HDAC9: variants seen among roughly 807,000 people sequenced by gnomAD.
The protein encoded by HDAC9 is histone deacetylase 9, also known as MEF-2 interacting transcription repressor (MITR) protein.
Under a neutral mutation model 139.4 loss-of-function variants are expected in HDAC9, and 41 were observed. That is an observed-to-expected ratio of 0.29 (90% CI 0.23 to 0.38). The LOEUF (loss-of-function observed/expected upper bound fraction) is 0.38, where lower values mean the gene tolerates loss of function less well. HDAC9 is among the 10% of genes least tolerant of loss of function. HDAC9 has a pLI of 1.00. For synonymous variants in HDAC9, 517 were observed against 476.2 expected (o/e 1.09, Z -1.12); for missense variants, 1,147 against 1,297.0 (o/e 0.88, Z 1.78).
intron 1 of HDAC9, among the ~76,000 whole-genome samples, chr7:18,146,048 G>T (rs927037815): frequency 7.9e-5 from 12 of 152,004 alleles, no homozygotes; most frequent in African/African-American, 2.9e-4. Flanking sequence ...GATTGGTTGG[G>T]AAAAAAAGGA....
chr7:18,410,363 G>T (rs1028953648), intron 1 of HDAC9, among the ~76,000 whole-genome samples: 3 of 152,136 alleles, frequency 2.0e-5, no homozygotes, highest in Non-Finnish European at 4.4e-5. Flanking sequence ...AAGAAGTAAT[G>T]CTGGATGAAC....
intron 24 of HDAC9, among the ~76,000 whole-genome samples, chr7:18,961,683 G>A (rs1018017369): frequency 1.1e-4 from 17 of 152,048 alleles, no homozygotes; most frequent in African/African-American, 3.9e-4. Flanking sequence ...CAGTGTGTGA[G>A]GTACTATTAA....
intron 1 of HDAC9, among the ~76,000 whole-genome samples, chr7:18,452,596 C>G (rs1040872765): frequency 3.9e-5 from 6 of 152,156 alleles, no homozygotes; most frequent in African/African-American, 1.4e-4. Flanking sequence ...CAAATCTTAC[C>G]TATAATTGTA....
chr7:18,667,983 TA>T, intron 12 of HDAC9: 1 of 970,372 alleles, frequency 1.0e-6, no homozygotes, highest in Middle Eastern at 5.3e-4. Flanking sequence ...TTTATATTTC[TA>T]AATCCGAGGT....
intron 17 of HDAC9, among the ~76,000 whole-genome samples, chr7:18,817,799 C>T (rs2129196366): frequency 6.6e-6 from 1 of 152,234 alleles, no homozygotes; most frequent in African/African-American, 2.4e-5. Flanking sequence ...CAGGTTCTGG[C>T]TGCTTTCAAC....
At chr7:18,273,517 A>T (rs1405729003) in intron 2 of HDAC9, among the ~76,000 whole-genome samples, 2 of 152,232 alleles carry the variant, frequency 1.3e-5, no homozygotes, top group Admixed American at 6.5e-5. Flanking sequence ...CACTTAGTAA[A>T]TGGTGCTGGG....
At chr7:18,499,080 ATGTGTG>A (rs55670527) in intron 2 of HDAC9, among the ~76,000 whole-genome samples, 2 of 150,134 alleles carry the variant, frequency 1.3e-5, no homozygotes, top group East Asian at 2.0e-4. Context: ...TAGGGTGTGT[ATGTGTG>A]TGTGTGTGTG....
At chr7:18,482,482 G>T (rs1035822979) in intron 1 of HDAC9, among the ~76,000 whole-genome samples, 41 of 138,406 alleles carry the variant, frequency 3.0e-4, no homozygotes, top group Admixed American at 2.3e-4. Context: ...TGTGGATATT[G>T]TTTGTATTTT....
intron 1 of HDAC9, among the ~76,000 whole-genome samples, chr7:18,351,321 G>A (rs190357988): frequency 6.6e-6 from 1 of 152,054 alleles, no homozygotes; most frequent in East Asian, 1.9e-4. Flanking sequence ...TAATGACTTG[G>A]TAAAATTTGC....
chr7:18,313,175 T>C (rs1010833158), intron 1 of HDAC9, among the ~76,000 whole-genome samples: 3 of 152,142 alleles, frequency 2.0e-5, no homozygotes, highest in African/African-American at 7.2e-5. Flanking sequence ...AAGAATATTT[T>C]AGCTGATTTC....
At chr7:18,166,009 G>A (rs1328487581) in intron 2 of HDAC9, among the ~76,000 whole-genome samples, 2 of 152,028 alleles carry the variant, frequency 1.3e-5, no homozygotes, top group African/African-American at 2.4e-5. Flanking sequence ...TTTTTAGTCC[G>A]ATCTCAAGAT....
intron 1 of HDAC9, among the ~76,000 whole-genome samples, chr7:18,431,747 C>T (rs971481833): frequency 6.6e-6 from 1 of 152,130 alleles, no homozygotes; most frequent in African/African-American, 2.4e-5. Flanking sequence ...TCAATAAATA[C>T]GTAAAATACG....
At chr7:18,499,602 G>A (rs549255655) in intron 2 of HDAC9, among the ~76,000 whole-genome samples, 20 of 152,218 alleles carry the variant, frequency 1.3e-4, no homozygotes, top group African/African-American at 4.3e-4. Context: ...GGCAGGATTA[G>A]GGGTGTTCTC....
intron 25 of HDAC9, among the ~76,000 whole-genome samples, chr7:18,976,965 T>C (rs1357927901): frequency 6.6e-6 from 1 of 152,242 alleles, no homozygotes; most frequent in Non-Finnish European, 1.5e-5. Flanking sequence ...CGAACAGTTC[T>C]ACTTTCTTGC....
intron 8 of HDAC9, among the ~76,000 whole-genome samples, chr7:18,642,076 T>C (rs1312387299): frequency 6.6e-6 from 1 of 152,108 alleles, no homozygotes; most frequent in African/African-American, 2.4e-5. Context: ...TCCAAGGAGA[T>C]AAGCTAAGCA....
intron 13 of HDAC9, among the ~76,000 whole-genome samples, chr7:18,740,058 G>A (rs1462137005): frequency 6.6e-6 from 1 of 152,208 alleles, no homozygotes; most frequent in Non-Finnish European, 1.5e-5. Flanking sequence ...GGCTCTATGA[G>A]CGTGGGACCT....
intron 15 of HDAC9, among the ~76,000 whole-genome samples, chr7:18,764,077 A>AT (rs998299032): frequency 2.6e-4 from 39 of 152,190 alleles, no homozygotes; most frequent in African/African-American, 9.4e-4. Flanking sequence ...GAACAAACCT[A>AT]TTTTTTGTAA....
intron 2 of HDAC9, among the ~76,000 whole-genome samples, chr7:18,179,168 G>A (rs544201990): frequency 6.6e-6 from 1 of 152,344 alleles, no homozygotes; most frequent in East Asian, 1.9e-4. Flanking sequence ...CTTTCATTCA[G>A]AGTTCTCTGA....
In HDAC9 at chr7:18,357,337, G is replaced by A. The variant is rs12536985; in HGVS notation, c.-42+66822G>A. Among the ~76,000 whole-genome samples, 1,338 of 152,234 alleles carry A rather than the reference G, an allele frequency of 8.8e-3. 8 individuals carry two copies. Among genetic ancestry groups the A allele is most frequent in the Non-Finnish European group, 0.014 (981 of 68,006 alleles). On this transcript the variant is annotated intron_variant, in intron 1 of 3. Coordinates refer to the HDAC9 transcript ENST00000413509. ...GCTGTGATTTAAAAAAATCGTATTT[G>A]GGTGATCCTAGCAGTTAAATTGACT...
Sources: allele counts gnomAD v4.1 joint callset (sites outside exome capture counted in the v4.1 genomes callset), GRCh38; gene constraint gnomAD v4.1.1; transcripts MANE v1.5; gene names NCBI Gene and HGNC (gene_info 2026-07-23, HGNC 2026-07-21).